DGKH: variants seen among roughly 807,000 people sequenced by gnomAD.
The protein encoded by DGKH is diacylglycerol kinase eta, also known as DAG kinase eta.
DGKH carries 90 observed loss-of-function variants against 159.3 expected under a neutral mutation model. The observed-to-expected ratio is 0.57, with a 90% confidence interval of 0.48 to 0.67. DGKH has a LOEUF of 0.67. Ranked by LOEUF, DGKH falls within the 30% of genes least tolerant of loss-of-function variation. The probability of loss-of-function intolerance (pLI) is 0.00; values close to 1 mark genes in which losing one functional copy is unlikely to be tolerated. For missense variants in DGKH, 1,181 were observed against 1,506.1 expected (o/e 0.78, Z 3.57); for synonymous variants, 536 against 553.8 (o/e 0.97, Z 0.45).
chr13:42,181,821 GGCAGCTGAGCTGCT>G (rs1490586909), intron 13 of DGKH: 1 of 261,254 alleles, frequency 3.8e-6, no homozygotes, highest in East Asian at 1.2e-4. Flanking sequence ...GGCCACTGCT[GGCAGCTGAGCTGCT>G]GGTGCTGGCA....
At chr13:42,101,694 G>A (rs972273046) in intron 1 of DGKH, among the ~76,000 whole-genome samples, 1 of 152,028 alleles carries the variant, frequency 6.6e-6, no homozygotes, top group African/African-American at 2.4e-5. Context: ...TGATTCTAGA[G>A]GTCTGACAGT....
intron 3 of DGKH, among the ~76,000 whole-genome samples, chr13:42,137,445 C>T (rs1162851917): frequency 6.6e-6 from 1 of 152,172 alleles, no homozygotes; most frequent in African/African-American, 2.4e-5. Flanking sequence ...GATGAAGAAT[C>T]TGAAACAGAG....
At chr13:42,115,279 T>C (rs907344859) in intron 1 of DGKH, among the ~76,000 whole-genome samples, 2 of 152,246 alleles carry the variant, frequency 1.3e-5, no homozygotes, top group African/African-American at 4.8e-5. Context: ...TTACTTTTTG[T>C]TTCCTGATTC....
intron 20 of DGKH, among the ~76,000 whole-genome samples, chr13:42,200,389 T>C (rs1039189818): frequency 2.0e-5 from 3 of 152,228 alleles, no homozygotes; most frequent in African/African-American, 7.2e-5. Context: ...TTACTGTTTT[T>C]TACTAATTTA....
At chr13:42,205,135 T>C (rs772548686) in intron 20 of DGKH, among the ~76,000 whole-genome samples, 10 of 152,180 alleles carry the variant, frequency 6.6e-5, no homozygotes, top group Non-Finnish European at 1.2e-4. Flanking sequence ...TCTTTTAAAA[T>C]GAAGGCTTAA....
At position 42,069,985 on chromosome 13, in the gene DGKH, A is replaced by G. The variant is rs1431979557; in HGVS notation, c.192+21020A>G. On this transcript the variant is annotated intron_variant, in intron 1 of 29. Coordinates refer to ENST00000337343, the MANE Select transcript of DGKH (RefSeq NM_178009.5). ...TTCATCAATATCAAAGTTGTTATGT[A>G]TAGGCCAATCATGCTCTGAAAACTG... 3 of 783,446 alleles carry G rather than the reference A, an allele frequency of 3.8e-6. No individual in the cohort carries two copies. In the African/African-American group the frequency reaches 5.1e-5, roughly 13 times the overall value. 48.5% of individuals were successfully genotyped at this position (783,446 alleles called of 1,614,324 possible).
At chr13:42,219,647 A>G (rs546331084) in intron 27 of DGKH, 39 bp from the exon 28 acceptor site, 57 of 1,569,372 alleles carry the variant, frequency 3.6e-5, no homozygotes, top group Non-Finnish European at 4.8e-5. Context: ...TCTCCTTTTC[A>G]TATCCTGAAA....
intron 15 of DGKH, among the ~76,000 whole-genome samples, chr13:42,189,745 C>T (rs1304617086): frequency 6.6e-6 from 1 of 152,148 alleles, no homozygotes; most frequent in Non-Finnish European, 1.5e-5. Context: ...CAGCTCACTG[C>T]AACGTCCACC....
At chr13:42,245,475 A>C (rs140063458), downstream of DGKH, among the ~76,000 whole-genome samples, 2 of 152,344 alleles carry the variant, frequency 1.3e-5, no homozygotes, top group Non-Finnish European at 2.9e-5. Flanking sequence ...GATCATATGT[A>C]AAGGCAAAAT....
intron 3 of DGKH, among the ~76,000 whole-genome samples, chr13:42,137,740 T>C (rs1285431102): frequency 1.3e-5 from 2 of 152,156 alleles, no homozygotes; most frequent in Non-Finnish European, 2.9e-5. Context: ...TAAAGAGAAA[T>C]GTTGACTAAA....
At chr13:42,200,769 T>G (rs1055548308) in intron 20 of DGKH, among the ~76,000 whole-genome samples, 13 of 152,172 alleles carry the variant, frequency 8.5e-5, no homozygotes, top group African/African-American at 2.9e-4. Flanking sequence ...TATTATACTT[T>G]CCACTCTAAA....
In DGKH at chr13:42,207,149, CCTTCCT is replaced by C. The variant is rs1566192765; in HGVS notation, c.2601+1004_2601+1009del. Among the ~76,000 whole-genome samples the C allele has an allele frequency of 4.3e-4, 31 of 72,418 alleles. 1 individual carries two copies. The highest frequency in any genetic ancestry group is 8.8e-4 in the East Asian group (2 of 2,270). The allele number at this position is 72,418 out of a possible 152,430, so 47.5% of individuals were successfully genotyped here. A position where few individuals can be genotyped will look rare whatever the true frequency, so the allele number is the denominator to read the frequency against. ...TCCTTCCTTCCTTCCTTCCTTCCTT[CCTTCCT>C]TCCTTCCTTCCTTCCTTCCTTCCTT... On this transcript the variant is annotated intron_variant, in intron 21 of 29. Coordinates refer to ENST00000337343, the MANE Select transcript of DGKH (RefSeq NM_178009.5).
chr13:42,135,948 T>G (rs1955394858), intron 3 of DGKH, among the ~76,000 whole-genome samples: 1 of 152,194 alleles, frequency 6.6e-6, no homozygotes, highest in African/African-American at 2.4e-5. Context: ...TTTACCCAAT[T>G]TGTAGAGGAT....
In DGKH at chr13:42,157,446, A is replaced by G. The variant is rs570355051; in HGVS notation, c.622+1647A>G. On this transcript the variant is annotated intron_variant, in intron 5 of 29. Coordinates refer to ENST00000337343, the MANE Select transcript of DGKH (RefSeq NM_178009.5). The stretch of plus-strand genomic sequence containing the variant: ...CTAAGCATTTTAAAAGAAAAATGAA[A>G]ATTACATTATTTGGTGAGAATAAGA... Among the ~76,000 whole-genome samples, 256 of 152,336 alleles carry G rather than the reference A, an allele frequency of 1.7e-3. 1 individual carries two copies. The highest frequency in any genetic ancestry group is 3.1e-3 in the Non-Finnish European group (210 of 68,030).
Position 42,240,577 on chromosome 13 carries a change from T to C in DGKH, c.*11389T>C, listed in dbSNP as rs1423258789. On this transcript the variant is annotated 3_prime_UTR_variant, in exon 30 of 30. Coordinates refer to ENST00000337343, the MANE Select transcript of DGKH (RefSeq NM_178009.5). Reference sequence around the variant, plus strand: ...CAAAAGCAATAGTGATGGTGGAATTTTTAAATAATATTCAGCTGGGGGGAA... The same window carrying C: ...CAAAAGCAATAGTGATGGTGGAATTCTTAAATAATATTCAGCTGGGGGGAA... The C allele has an allele frequency of 6.6e-6, 1 of 152,204 alleles. No individual in the cohort carries two copies. Among genetic ancestry groups the C allele is most frequent in the African/African-American group, 2.4e-5 (1 of 41,440 alleles). 9.4% of individuals were successfully genotyped at this position (152,204 alleles called of 1,614,324 possible).
chr13:42,225,940 T>C (rs1042221942), intron 29 of DGKH, among the ~76,000 whole-genome samples: 4 of 151,654 alleles, frequency 2.6e-5, no homozygotes, highest in Admixed American at 6.6e-5. Context: ...AAAGCCAAAA[T>C]TGACAAATGG....
intron 3 of DGKH, chr13:42,138,257 C>T: frequency 3.9e-6 from 1 of 255,190 alleles, no homozygotes; most frequent in Non-Finnish European, 6.2e-6. Flanking sequence ...CTGCTGGGCA[C>T]TATGCTAGAC....
In DGKH at chr13:42,230,708, A is replaced by T. The variant is rs1377164043; in HGVS notation, c.*1520A>T. 6.6e-6 allele frequency: 1 copy of T among 152,122 alleles called. No individual in the cohort carries two copies. Among genetic ancestry groups the T allele is most frequent in the Admixed American group, 6.6e-5 (1 of 15,258 alleles). 9.4% of individuals were successfully genotyped at this position (152,122 alleles called of 1,614,324 possible). A position where few individuals can be genotyped will look rare whatever the true frequency, so the allele number is the denominator to read the frequency against. On this transcript the variant is annotated 3_prime_UTR_variant, in exon 30 of 30. Transcript: ENST00000337343. ...TGTGTATATATACATACATACACAT[A>T]TACATTTATATGTGTATATATATAC...
chr13:42,138,812 AT>A (rs35288885), intron 3 of DGKH, among the ~76,000 whole-genome samples: 2 of 152,150 alleles, frequency 1.3e-5, no homozygotes, highest in Non-Finnish European at 2.9e-5. Context: ...ATATTTTAAC[AT>A]TTATATTAGT....
Sources: allele counts gnomAD v4.1 joint callset (sites outside exome capture counted in the v4.1 genomes callset), GRCh38; gene constraint gnomAD v4.1.1; transcripts MANE v1.5; gene names NCBI Gene and HGNC (gene_info 2026-07-23, HGNC 2026-07-21).